The following TEKTL1 variants were observed in gnomAD, a reference collection of about 807,000 sequenced individuals.
The protein encoded by TEKTL1 is tektin-like protein 1.
chr19:15,022,755 C>G, the TEKTL1 span: 2 of 979,400 alleles, frequency 2.0e-6, no homozygotes, highest in Non-Finnish European at 1.4e-6. Flanking sequence ...CTGGCCCATT[C>G]AGATGTGTTC....
At chr19:15,021,802 C>G in the TEKTL1 span, 1 of 1,613,878 alleles carries the variant, frequency 6.2e-7, no homozygotes, top group Non-Finnish European at 8.5e-7. Context: ...CCGCACCCCA[C>G]CAGGGTCCTC....
At chr19:15,016,478 C>T in the TEKTL1 span, among the ~76,000 whole-genome samples, 1 of 152,186 alleles carries the variant, frequency 6.6e-6, no homozygotes. Flanking sequence ...TGAGCCACTG[C>T]GCCCGGCCTG....
the TEKTL1 span, among the ~76,000 whole-genome samples, chr19:15,017,860 G>A: frequency 6.6e-6 from 1 of 152,150 alleles, no homozygotes; most frequent in Non-Finnish European, 1.5e-5. Context: ...AGATGTCTGA[G>A]CTTCAACTTA....
the TEKTL1 span, among the ~76,000 whole-genome samples, chr19:15,014,736 G>T: frequency 2.5e-5 from 3 of 118,618 alleles, no homozygotes; most frequent in African/African-American, 3.2e-5. Flanking sequence ...GGGGGCGGGG[G>T]GCGGGGGCTG....
chr19:15,013,029 A>G, the TEKTL1 span, among the ~76,000 whole-genome samples: 2 of 152,064 alleles, frequency 1.3e-5, no homozygotes, highest in South Asian at 2.1e-4. Context: ...AGTCCTCCCT[A>G]CAGAGAGAGA....
At chr19:15,021,848 G>C in the TEKTL1 span, 2 of 1,613,920 alleles carry the variant, frequency 1.2e-6, no homozygotes, top group African/African-American at 2.7e-5. Context: ...AGAAAAGCTG[G>C]ACAGACCCCT....
the TEKTL1 span, among the ~76,000 whole-genome samples, chr19:15,014,738 C>CGGGGGGAGGGGGGG: frequency 2.0e-4 from 6 of 29,812 alleles, no homozygotes; most frequent in African/African-American, 7.8e-4. Context: ...GGGCGGGGGG[C>CGGGGGGAGGGGGGG]GGGGGCTGCT....
the TEKTL1 span, among the ~76,000 whole-genome samples, chr19:15,022,366 T>C: frequency 6.6e-6 from 1 of 152,138 alleles, no homozygotes; most frequent in East Asian, 1.9e-4. Context: ...TCTCGCTCTG[T>C]CGCCCAGGCT....
chr19:15,019,614 G>A, the TEKTL1 span, among the ~76,000 whole-genome samples: 1 of 152,092 alleles, frequency 6.6e-6, no homozygotes, highest in African/African-American at 2.4e-5. Context: ...TTTTTCATAA[G>A]ATGTAGACAT....
the TEKTL1 span, chr19:15,021,909 G>A: frequency 4.0e-4 from 642 of 1,613,286 alleles, 1 homozygote; most frequent in South Asian, 6.5e-3. Flanking sequence ...GAGGCTGCGC[G>A]CCTCGCACAG....
the TEKTL1 span, chr19:15,013,860 T>G: frequency 6.4e-6 from 5 of 786,402 alleles, no homozygotes; most frequent in Non-Finnish European, 8.6e-6. Flanking sequence ...ACCTGGGGAC[T>G]GTCACAATAG....
chr19:15,014,267 A>T, the TEKTL1 span, among the ~76,000 whole-genome samples: 1 of 152,186 alleles, frequency 6.6e-6, no homozygotes, highest in Non-Finnish European at 1.5e-5. Flanking sequence ...AAGGGGGAAG[A>T]GCAGCCAGAC....
the TEKTL1 span, among the ~76,000 whole-genome samples, chr19:15,018,822 C>G: frequency 2.7e-5 from 4 of 150,034 alleles, no homozygotes; most frequent in African/African-American, 9.8e-5. Context: ...CTTATTTCCA[C>G]GTTCCCATAC....
the TEKTL1 span, among the ~76,000 whole-genome samples, chr19:15,019,053 AC>A: frequency 3.3e-5 from 5 of 150,806 alleles, no homozygotes; most frequent in Admixed American, 2.0e-4. Context: ...GGCTCAGGTG[AC>A]CCCCCCACCT....
chr19:15,014,822 G>A, the TEKTL1 span, among the ~76,000 whole-genome samples: 5 of 151,288 alleles, frequency 3.3e-5, no homozygotes, highest in Non-Finnish European at 5.9e-5. Context: ...TAAATCTGAT[G>A]ATTCCTGAAA....
At chr19:15,017,972 A>C in the TEKTL1 span, among the ~76,000 whole-genome samples, 2 of 152,152 alleles carry the variant, frequency 1.3e-5, no homozygotes, top group Non-Finnish European at 2.9e-5. Context: ...AGGCAGGAGG[A>C]TCACTTGAGC....
At chr19:15,021,603 TCCC>T in the TEKTL1 span, 1 of 1,613,910 alleles carries the variant, frequency 6.2e-7, no homozygotes, top group South Asian at 1.1e-5. Flanking sequence ...CCCCTGCGCT[TCCC>T]TGCCCCCAGG....
At chr19:15,022,809 T>C in the TEKTL1 span, 1 of 1,505,250 alleles carries the variant, frequency 6.6e-7, no homozygotes. Flanking sequence ...GGCGCAGGTG[T>C]GCCTTCCCAC....
chr19:15,012,376 C>T, the TEKTL1 span, among the ~76,000 whole-genome samples: 759 of 152,124 alleles, frequency 5.0e-3, 10 homozygotes, highest in African/African-American at 0.018. Flanking sequence ...CCAGCCTGGA[C>T]AACACAGCAA....
Sources: gnomAD v4.1 joint callset for allele counts (sites outside exome capture counted in the v4.1 genomes callset) on GRCh38, gnomAD v4.1.1 for gene constraint, MANE v1.5 for transcripts, NCBI Gene and HGNC (gene_info 2026-07-23, HGNC 2026-07-21) for gene names.